The following DAB1 variants were observed in gnomAD, a reference collection of about 807,000 sequenced individuals.
DAB1 encodes the protein DAB adaptor protein 1.
DAB1 carries 15 observed loss-of-function variants against 64.6 expected under a neutral mutation model. The observed-to-expected ratio is 0.23, with a 90% CI of 0.16 to 0.36. The LOEUF (loss-of-function observed/expected upper bound fraction) is 0.36. Ranked by LOEUF, DAB1 falls within the 10% of genes least tolerant of loss-of-function variation. The pLI is 1.00. For missense variants in DAB1, 596 were observed against 706.7 expected (o/e 0.84, Z 1.78); for synonymous variants, 235 against 251.9 (o/e 0.93, Z 0.64).
chr1:58,151,142 G>A (rs1361383307), intron 4 of DAB1, among the ~76,000 whole-genome samples: 12 of 152,076 alleles, frequency 7.9e-5, no homozygotes, highest in South Asian at 2.1e-4. Context: ...GAATAGTGCC[G>A]CAATAAACAT....
intron 7 of DAB1, among the ~76,000 whole-genome samples, chr1:57,620,694 C>G (rs1342905988): frequency 1.3e-5 from 2 of 152,092 alleles, no homozygotes; most frequent in African/African-American, 4.8e-5. Context: ...CTTCTCAGGC[C>G]AGCAGCAGCA....
At chr1:57,421,365 T>G (rs1684869543) in intron 1 of DAB1, among the ~76,000 whole-genome samples, 1 of 152,208 alleles carries the variant, frequency 6.6e-6, no homozygotes, top group Non-Finnish European at 1.5e-5. Context: ...GATTAAATGT[T>G]TCAGATATGC....
chr1:58,437,609 G>A (rs1033497661), intron 3 of DAB1, among the ~76,000 whole-genome samples: 2 of 152,120 alleles, frequency 1.3e-5, no homozygotes, highest in African/African-American at 4.8e-5. Context: ...CCCCATTCCA[G>A]TATAAGCTCT....
At chr1:57,651,458 T>TCTAAA (rs1200305691) in intron 6 of DAB1, among the ~76,000 whole-genome samples, 2 of 152,208 alleles carry the variant, frequency 1.3e-5, no homozygotes, top group African/African-American at 2.4e-5. Flanking sequence ...AAATTCAATT[T>TCTAAA]AGTCTACTCA....
At chr1:57,594,923 G>C (rs1443646420) in intron 7 of DAB1, among the ~76,000 whole-genome samples, 2 of 151,764 alleles carry the variant, frequency 1.3e-5, no homozygotes, top group African/African-American at 4.8e-5. Flanking sequence ...TATTAGCCAG[G>C]ATGTTCTCGA....
intron 6 of DAB1, among the ~76,000 whole-genome samples, chr1:57,701,471 A>G (rs1250403856): frequency 6.6e-6 from 1 of 151,892 alleles, no homozygotes; most frequent in Non-Finnish European, 1.5e-5. Flanking sequence ...ACCAAACACC[A>G]CATGTTCTCA....
At chr1:57,395,290 C>T (rs139531690) in intron 1 of DAB1, among the ~76,000 whole-genome samples, 2,152 of 152,212 alleles carry the variant, frequency 0.014, 36 homozygotes, top group African/African-American at 0.042. Flanking sequence ...CTTCCCAAAG[C>T]GCTGGGATTA....
At chr1:57,295,073 G>T (rs1176624894) in intron 1 of DAB1, among the ~76,000 whole-genome samples, 1 of 152,150 alleles carries the variant, frequency 6.6e-6, no homozygotes. Flanking sequence ...GAGGCCAGGG[G>T]AGGGGCATAA....
intron 5 of DAB1, among the ~76,000 whole-genome samples, chr1:57,975,553 A>G (rs1645898742): frequency 6.6e-6 from 1 of 152,212 alleles, no homozygotes. Flanking sequence ...TGTGCAAGAT[A>G]TAGCAGCTAG....
At chr1:57,212,045 G>C (rs1201607035) in intron 2 of DAB1, among the ~76,000 whole-genome samples, 1 of 152,126 alleles carries the variant, frequency 6.6e-6, no homozygotes, top group African/African-American at 2.4e-5. Context: ...TGCTACAATA[G>C]ACCTCTACAC....
At chr1:57,398,195 A>G (rs1201987888) in intron 1 of DAB1, among the ~76,000 whole-genome samples, 1 of 152,214 alleles carries the variant, frequency 6.6e-6, no homozygotes, top group Admixed American at 6.5e-5. Flanking sequence ...AGAGAGAATT[A>G]TAAAGTGAAA....
At chr1:58,113,136 G>C (rs1210984335) in intron 5 of DAB1, among the ~76,000 whole-genome samples, 2 of 152,172 alleles carry the variant, frequency 1.3e-5, no homozygotes, top group Non-Finnish European at 2.9e-5. Context: ...GTGGCACAGA[G>C]GAGGGTGCCA....
intron 6 of DAB1, among the ~76,000 whole-genome samples, chr1:57,761,690 T>C (rs1264206543): frequency 6.6e-6 from 1 of 152,184 alleles, no homozygotes; most frequent in Non-Finnish European, 1.5e-5. Context: ...TTGATTGACA[T>C]GTTCATCTCT....
intron 3 of DAB1, among the ~76,000 whole-genome samples, chr1:58,461,673 T>C (rs905675880): frequency 6.6e-5 from 10 of 152,304 alleles, no homozygotes; most frequent in African/African-American, 2.4e-4. Context: ...AGTGTGGAGA[T>C]GAACAATGGT....
At chr1:58,375,137 T>C (rs1479821479) in intron 3 of DAB1, among the ~76,000 whole-genome samples, 1 of 149,772 alleles carries the variant, frequency 6.7e-6, no homozygotes, top group Non-Finnish European at 1.5e-5. Flanking sequence ...CAGGGACAAT[T>C]TGACTTGCTC....
chr1:57,261,060 C>T (rs528407829), intron 2 of DAB1, among the ~76,000 whole-genome samples: 1 of 152,162 alleles, frequency 6.6e-6, no homozygotes, highest in Non-Finnish European at 1.5e-5. Context: ...TAAATCAGTA[C>T]CTGGAGAGTA....
At chr1:58,091,935 A>AACACACACACACACACACACACACAC (rs59390109) in intron 5 of DAB1, among the ~76,000 whole-genome samples, 1 of 141,842 alleles carries the variant, frequency 7.1e-6, no homozygotes, top group African/African-American at 2.7e-5. Flanking sequence ...AGCTGCATTA[A>AACACACACACACACACACACACACAC]ACACACACAC....
intron 13 of DAB1, 116 bp downstream of exon 13, chr1:57,011,029 T>C: frequency 2.9e-6 from 4 of 1,372,206 alleles, no homozygotes; most frequent in Non-Finnish European, 4.0e-6. Flanking sequence ...CTTGAGAACT[T>C]ATGAGATTGA....
intron 4 of DAB1, among the ~76,000 whole-genome samples, chr1:58,280,653 A>G (rs1661538640): frequency 6.6e-6 from 1 of 152,238 alleles, no homozygotes; most frequent in Non-Finnish European, 1.5e-5. Flanking sequence ...TTCCAGCTAC[A>G]TCATGTTGGG....
Sources: gnomAD v4.1 joint callset for allele counts (sites outside exome capture counted in the v4.1 genomes callset) on GRCh38, gnomAD v4.1.1 for gene constraint, MANE v1.5 for transcripts, NCBI Gene and HGNC (gene_info 2026-07-23, HGNC 2026-07-21) for gene names.